The following VPS13A variants were observed in gnomAD, a reference collection of about 807,000 sequenced individuals.
VPS13A encodes vacuolar protein sorting 13 homolog A, also known as intermembrane lipid transfer protein VPS13A.
VPS13A carries 264 observed loss-of-function variants against 390.9 expected under a neutral mutation model. That is an observed-to-expected ratio of 0.68 (90% CI 0.61 to 0.75). The LOEUF (loss-of-function observed/expected upper bound fraction) is 0.75. Among genes scored for constraint, VPS13A ranks in the 30% least tolerant of loss-of-function variants. The probability of loss-of-function intolerance (pLI) is 0.00; values close to 1 mark genes in which losing one functional copy is unlikely to be tolerated. For synonymous variants in VPS13A, 1,231 were observed against 1,227.1 expected (o/e 1.00, Z -0.07); for missense variants, 3,409 against 3,733.9 (o/e 0.91, Z 2.27).
intron 31 of VPS13A, 27 bp downstream of exon 31, chr9:77,283,677 G>A (rs1827172062): frequency 1.3e-6 from 2 of 1,492,646 alleles, no homozygotes; most frequent in African/African-American, 1.4e-5. Flanking sequence ...TTAAATAATA[G>A]TACATCATTA....
intron 45 of VPS13A, among the ~76,000 whole-genome samples, chr9:77,324,058 A>G (rs1829881626): frequency 6.6e-6 from 1 of 152,042 alleles, no homozygotes; most frequent in South Asian, 2.1e-4. Context: ...CAGATTATCA[A>G]TTTTATAAAA....
chr9:77,290,541 C>T lies in VPS13A; in HGVS notation c.3340-2800C>T, dbSNP rs115277710. Among the ~76,000 whole-genome samples the T allele has an allele frequency of 5.8e-3, 875 of 152,166 alleles. 9 individuals carry two copies. The highest frequency in any genetic ancestry group is 0.02 in the Middle Eastern group (6 of 294). On this transcript the variant is annotated intron_variant, in intron 31 of 71. Transcript: ENST00000360280. Reference sequence around the variant, plus strand: ...TGTTTTCTCCTCCTCCACTTTTTCCCTGTTCCTCTTCTTGAATTCCTGAAA... The same window carrying T: ...TGTTTTCTCCTCCTCCACTTTTTCCTTGTTCCTCTTCTTGAATTCCTGAAA...
rs149443106 is a variant in VPS13A, at chr9:77,354,053, A to G, written c.7652+412A>G. On this transcript the variant is annotated intron_variant, in intron 54 of 71. Transcript: ENST00000360280. ...GCACTTTAAGATCTAATAAGATCTA[A>G]TAAGGTGATCACTGTATTTATCATT... Among the ~76,000 whole-genome samples the G allele has an allele frequency of 5.8e-3, 876 of 152,232 alleles. 12 individuals carry two copies. The highest frequency in any genetic ancestry group is 0.02 in the African/African-American group (845 of 41,564).
At position 77,274,957 on chromosome 9, in the gene VPS13A, G is replaced by A. The variant is rs531197890; in HGVS notation, c.2513-541G>A. 2.3e-4 allele frequency among the ~76,000 whole-genome samples: 35 copies of A among 152,108 alleles called. No individual in the cohort carries two copies. The East Asian group carries it at 6.8e-3, about 29-fold the overall frequency. Reference sequence around the variant, plus strand: ...AGTCCTTTTTAATATCAGCATATGTGTATGCTGATGTGTATTACATATCAA... The same window carrying A: ...AGTCCTTTTTAATATCAGCATATGTATATGCTGATGTGTATTACATATCAA... On this transcript the variant is annotated intron_variant, in intron 24 of 71. Transcript: ENST00000360280.
chr9:77,412,023 A>T (rs1315113015), intron 71 of VPS13A, among the ~76,000 whole-genome samples: 6 of 152,064 alleles, frequency 3.9e-5, no homozygotes, highest in Non-Finnish European at 4.4e-5. Flanking sequence ...CAACACATAC[A>T]CCCTCCCAAG....
chr9:77,220,447 G>T, intron 12 of VPS13A, 64 bp downstream of exon 12: 2 of 1,122,536 alleles, frequency 1.8e-6, no homozygotes, highest in South Asian at 1.4e-5. Context: ...TAAATTTCTC[G>T]ACTTCAAGAA....
intron 33 of VPS13A, among the ~76,000 whole-genome samples, chr9:77,301,906 G>A (rs1250727341): frequency 2.6e-5 from 4 of 151,536 alleles, no homozygotes; most frequent in African/African-American, 9.7e-5. Context: ...GAGTTAAAAT[G>A]TTTTTATAAT....
intron 68 of VPS13A, among the ~76,000 whole-genome samples, chr9:77,396,666 T>C (rs1834131785): frequency 6.6e-6 from 1 of 152,210 alleles, no homozygotes; most frequent in South Asian, 2.1e-4. Flanking sequence ...AGTAAAACTT[T>C]CTTTATCCCT....
In VPS13A at chr9:77,318,803, A is replaced by C. The variant is rs17063533; in HGVS notation, c.5313+212A>C. ...TACATTCCTTTTACTTTTAAAGTAC[A>C]TGTCCACATTAAGTTTATATTTCAA... On this transcript the variant is annotated intron_variant, in intron 41 of 71. Coordinates refer to ENST00000360280, the MANE Select transcript of VPS13A (RefSeq NM_033305.3). Among the ~76,000 whole-genome samples, 1,288 of 152,294 alleles carry C rather than the reference A, an allele frequency of 8.5e-3. 10 individuals are homozygous for C. Among genetic ancestry groups the C allele is most frequent in the South Asian group, 0.014 (67 of 4,826 alleles).
intron 1 of VPS13A, among the ~76,000 whole-genome samples, chr9:77,185,569 A>G (rs1824281338): frequency 6.6e-6 from 1 of 152,198 alleles, no homozygotes; most frequent in Admixed American, 6.5e-5. Flanking sequence ...TCTGTGTCGA[A>G]TATGAGAGTA....
chr9:77,214,218 G>GTGAGCTGAGA lies in VPS13A; in HGVS notation c.697-109_697-100dup, dbSNP rs1822712377. 4 of 888,004 alleles carry GTGAGCTGAGA rather than the reference G, an allele frequency of 4.5e-6. No homozygotes were observed. The South Asian group carries it at 5.4e-5, about 12-fold the overall frequency. 55.0% of individuals were successfully genotyped at this position (888,004 alleles called of 1,614,324 possible). On this transcript the variant is annotated intron_variant, in intron 9 of 71. Coordinates refer to ENST00000360280, the MANE Select transcript of VPS13A (RefSeq NM_033305.3). ...ATGAGTCCATGAGACAGGGGTTGCA[G>GTGAGCTGAGA]TGAGCTGAGATTGCACCACTGCCCT...
At chr9:77,257,591 A>G (rs56032034) in intron 22 of VPS13A, among the ~76,000 whole-genome samples, 12,327 of 152,154 alleles carry the variant, frequency 0.081, 627 homozygotes, top group East Asian at 0.13. Flanking sequence ...TGTCTCTACA[A>G]TAAGTAAATA....
chr9:77,259,301 A>G (rs748014017), intron 22 of VPS13A, among the ~76,000 whole-genome samples: 31 of 152,174 alleles, frequency 2.0e-4, no homozygotes, highest in Non-Finnish European at 4.0e-4. Flanking sequence ...AGAAAGTGAA[A>G]AAAAGTTTAA....
intron 67 of VPS13A, among the ~76,000 whole-genome samples, chr9:77,373,086 A>G (rs956596166): frequency 1.6e-4 from 25 of 152,298 alleles, no homozygotes; most frequent in African/African-American, 5.3e-4. Flanking sequence ...ATTCAGTGCT[A>G]TCCCCATCAA....
intron 19 of VPS13A, among the ~76,000 whole-genome samples, chr9:77,241,296 A>T (rs972680794): frequency 6.6e-6 from 1 of 152,102 alleles, no homozygotes; most frequent in Non-Finnish European, 1.5e-5. Flanking sequence ...AGCCATGCCC[A>T]ATGTGGTATC....
At chr9:77,355,080 A>G (rs1289229786) in intron 54 of VPS13A, among the ~76,000 whole-genome samples, 1 of 152,092 alleles carries the variant, frequency 6.6e-6, no homozygotes, top group African/African-American at 2.4e-5. Flanking sequence ...TTTCCTTGCT[A>G]CCTGTTGCTC....
At chr9:77,352,887 T>A (rs1165300872) in intron 53 of VPS13A, among the ~76,000 whole-genome samples, 1 of 152,122 alleles carries the variant, frequency 6.6e-6, no homozygotes, top group Non-Finnish European at 1.5e-5. Flanking sequence ...TATGTTTATC[T>A]TGTCATTGAC....
intron 68 of VPS13A, among the ~76,000 whole-genome samples, chr9:77,386,591 G>A (rs1272746730): frequency 2.6e-5 from 4 of 151,846 alleles, no homozygotes; most frequent in Non-Finnish European, 4.4e-5. Flanking sequence ...AATTTCTTCA[G>A]TAAAAATATT....
Position 77,220,011 on chromosome 9 carries a change from A to G in VPS13A, c.812A>G (p.Asp271Gly), listed in dbSNP as rs1315794023. ...KLVMNRRSDF[D>G]FSAPKINLEI... ...GTGATGAATCGCCGATCTGATTTTG[A>G]CTTTTCTGCCCCCAAAATAAACTTG... The change falls in exon 11 of 72, where the codon GAC (aspartate) becomes GGC (glycine). Residue 271 changes from aspartate to glycine, a missense_variant. By Grantham distance (94) the Asp-to-Gly change is moderately conservative. This residue lies in a region of VPS13A where 2,717 missense variants were observed against 2,917.4 expected (regional missense o/e 0.93). Transcript: ENST00000360280. 1 of 1,613,270 alleles carries G rather than the reference A, an allele frequency of 6.2e-7. No homozygotes were observed. The highest frequency in any genetic ancestry group is 8.5e-7 in the Non-Finnish European group (1 of 1,179,582).
Sources: allele counts gnomAD v4.1 joint callset (sites outside exome capture counted in the v4.1 genomes callset), GRCh38; gene constraint gnomAD v4.1.1; regional missense constraint gnomAD v4.1.1; transcripts MANE v1.5; gene names NCBI Gene and HGNC (gene_info 2026-07-23, HGNC 2026-07-21).